RPS6KC1: variants seen among roughly 807,000 people sequenced by gnomAD.
RPS6KC1 encodes the protein inactive ribosomal protein S6 kinase delta-1.
A neutral mutation model predicts 103.8 loss-of-function variants in RPS6KC1; 54 were observed. That is an observed-to-expected ratio of 0.52 (90% CI 0.42 to 0.65). The LOEUF is 0.65. RPS6KC1 is among the 30% of genes least tolerant of loss of function. The pLI is 0.00. For synonymous variants in RPS6KC1, 439 were observed against 438.7 expected (o/e 1.00, Z -0.01); for missense variants, 1,151 against 1,253.8 (o/e 0.92, Z 1.24).
At chr1:213,333,482 A>G in the RPS6KC1 span, among the ~76,000 whole-genome samples, 8 of 152,162 alleles carry the variant, frequency 5.3e-5, no homozygotes, top group Admixed American at 4.6e-4. Context: ...GATCAACCCC[A>G]GTGATTTCTC....
At chr1:213,455,021 C>T in the RPS6KC1 span, among the ~76,000 whole-genome samples, 10 of 152,248 alleles carry the variant, frequency 6.6e-5, no homozygotes, top group Non-Finnish European at 8.8e-5. Context: ...GTCCAGGCCA[C>T]GAGGACCTAG....
the RPS6KC1 span, among the ~76,000 whole-genome samples, chr1:213,705,594 G>A: frequency 5.9e-5 from 9 of 152,222 alleles, no homozygotes; most frequent in African/African-American, 1.7e-4. Flanking sequence ...CTATATCCCC[G>A]TGTGGCTGAG....
chr1:213,378,944 C>T, the RPS6KC1 span, among the ~76,000 whole-genome samples: 1 of 152,138 alleles, frequency 6.6e-6, no homozygotes, highest in Admixed American at 6.5e-5. Context: ...GACAGGGTGG[C>T]TCATCAAGAG....
the RPS6KC1 span, among the ~76,000 whole-genome samples, chr1:213,636,134 G>A: frequency 3.9e-5 from 6 of 152,172 alleles, no homozygotes; most frequent in Non-Finnish European, 7.4e-5. Flanking sequence ...CAAAGAAATG[G>A]AAGAACGTTC....
the RPS6KC1 span, among the ~76,000 whole-genome samples, chr1:213,775,647 A>G: frequency 2.0e-5 from 3 of 152,156 alleles, no homozygotes; most frequent in East Asian, 5.8e-4. Flanking sequence ...TTCCATGTTG[A>G]TGGCTGCTGA....
chr1:213,071,244 C>T (rs967810927), intron 2 of RPS6KC1, among the ~76,000 whole-genome samples: 2 of 152,166 alleles, frequency 1.3e-5, no homozygotes, highest in Non-Finnish European at 2.9e-5. Flanking sequence ...ATTCTCCTGC[C>T]TCTGCCTCCC....
At chr1:213,778,813 C>G in the RPS6KC1 span, among the ~76,000 whole-genome samples, 1 of 152,060 alleles carries the variant, frequency 6.6e-6, no homozygotes, top group South Asian at 2.1e-4. Flanking sequence ...TCCTAAACCC[C>G]CATGCTCAGG....
the RPS6KC1 span, among the ~76,000 whole-genome samples, chr1:213,296,458 G>T: frequency 6.6e-6 from 1 of 152,166 alleles, no homozygotes; most frequent in East Asian, 1.9e-4. Flanking sequence ...AAGAGACTTG[G>T]GGGTCTCTTG....
chr1:213,061,276 A>T (rs1033087379), intron 1 of RPS6KC1, among the ~76,000 whole-genome samples: 1 of 152,180 alleles, frequency 6.6e-6, no homozygotes, highest in Non-Finnish European at 1.5e-5. Flanking sequence ...ACTTGTTAGA[A>T]AGTTGAATGT....
At chr1:213,309,087 C>T in the RPS6KC1 span, among the ~76,000 whole-genome samples, 1 of 151,836 alleles carries the variant, frequency 6.6e-6, no homozygotes, top group African/African-American at 2.4e-5. Context: ...GTCAGGAGTT[C>T]GAGACCAGCC....
chr1:213,404,354 C>T, the RPS6KC1 span, among the ~76,000 whole-genome samples: 1 of 152,176 alleles, frequency 6.6e-6, no homozygotes, highest in African/African-American at 2.4e-5. Context: ...GGGGACCTAG[C>T]GGGGAGCTCC....
chr1:213,820,959 C>A, the RPS6KC1 span: 1 of 152,152 alleles, frequency 6.6e-6, no homozygotes, highest in South Asian at 2.1e-4. Flanking sequence ...TGTCTCCAAA[C>A]ATGTTTGTCC....
chr1:213,228,355 A>G (rs150549627), intron 8 of RPS6KC1, among the ~76,000 whole-genome samples: 32 of 152,310 alleles, frequency 2.1e-4, no homozygotes, highest in African/African-American at 6.0e-4. Flanking sequence ...TAGCTTCTAC[A>G]TAATAAGAAT....
At chr1:213,135,618 T>C (rs144133833) in intron 6 of RPS6KC1, among the ~76,000 whole-genome samples, 60 of 152,334 alleles carry the variant, frequency 3.9e-4, no homozygotes, top group African/African-American at 1.4e-3. Flanking sequence ...TCTTAACTGT[T>C]TTGAAACTGG....
chr1:213,078,387 A>G (rs189950775), intron 3 of RPS6KC1, among the ~76,000 whole-genome samples: 6 of 152,190 alleles, frequency 3.9e-5, no homozygotes, highest in Non-Finnish European at 1.5e-5. Flanking sequence ...TATAACTCTA[A>G]CGTAAATGTT....
the RPS6KC1 span, among the ~76,000 whole-genome samples, chr1:213,368,777 A>T: frequency 6.6e-6 from 1 of 152,226 alleles, no homozygotes; most frequent in Non-Finnish European, 1.5e-5. Flanking sequence ...CTGCGGACAG[A>T]TATGGAGAGA....
intron 8 of RPS6KC1, among the ~76,000 whole-genome samples, chr1:213,188,690 T>C (rs2092634406): frequency 6.6e-6 from 1 of 152,200 alleles, no homozygotes; most frequent in African/African-American, 2.4e-5. Flanking sequence ...GCTTTTATGC[T>C]GTAAACTTCA....
chr1:213,578,666 G>C, the RPS6KC1 span, among the ~76,000 whole-genome samples: 4 of 150,624 alleles, frequency 2.7e-5, no homozygotes, highest in Non-Finnish European at 5.9e-5. Context: ...ACTTGCATGG[G>C]GCCTGTAGCC....
At chr1:213,060,712 A>G (rs1245389529) in intron 1 of RPS6KC1, among the ~76,000 whole-genome samples, 1 of 152,216 alleles carries the variant, frequency 6.6e-6, no homozygotes, top group African/African-American at 2.4e-5. Flanking sequence ...TGATTGGAAA[A>G]TAGTTTAGAA....
Sources: gnomAD v4.1 joint callset for allele counts (sites outside exome capture counted in the v4.1 genomes callset) on GRCh38, gnomAD v4.1.1 for gene constraint, MANE v1.5 for transcripts, NCBI Gene and HGNC (gene_info 2026-07-23, HGNC 2026-07-21) for gene names.